DGKI: variants seen among roughly 807,000 people sequenced by gnomAD.
DGKI encodes the protein DAG kinase iota.
Under a neutral mutation model 147.5 loss-of-function variants are expected in DGKI, and 55 were observed. That is an observed-to-expected ratio of 0.37 (90% CI 0.30 to 0.47). The LOEUF is 0.47. Among genes scored for constraint, DGKI ranks in the 20% least tolerant of loss-of-function variants. The pLI is 1.00. For missense variants in DGKI, 1,007 were observed against 1,323.8 expected (o/e 0.76, Z 3.71); for synonymous variants, 469 against 477.1 (o/e 0.98, Z 0.22).
chr7:137,638,453 C>CAT (rs1172505922), intron 6 of DGKI, among the ~76,000 whole-genome samples: 1 of 81,704 alleles, frequency 1.2e-5, no homozygotes, highest in Non-Finnish European at 2.4e-5. Context: ...TACACACACA[C>CAT]ATATATATGT....
At chr7:137,752,878 A>G (rs1047543127) in intron 1 of DGKI, among the ~76,000 whole-genome samples, 16 of 152,000 alleles carry the variant, frequency 1.1e-4, no homozygotes, top group African/African-American at 3.9e-4. Flanking sequence ...TTGTCCTGCT[A>G]CACCTCCACT....
intron 3 of DGKI, among the ~76,000 whole-genome samples, chr7:137,666,311 TAGGA>T (rs1822638273): frequency 6.6e-6 from 1 of 152,152 alleles, no homozygotes; most frequent in Non-Finnish European, 1.5e-5. Context: ...GCTGAGGCAG[TAGGA>T]TCACTTAAGC....
At chr7:137,440,282 A>C (rs1209730416) in intron 28 of DGKI, among the ~76,000 whole-genome samples, 1 of 152,232 alleles carries the variant, frequency 6.6e-6, no homozygotes, top group Non-Finnish European at 1.5e-5. Context: ...TTAGCATGGC[A>C]GGTTTCCCTG....
chr7:137,450,585 G>A (rs1205445883), intron 27 of DGKI, among the ~76,000 whole-genome samples: 2 of 152,028 alleles, frequency 1.3e-5, no homozygotes, highest in Admixed American at 1.3e-4. Flanking sequence ...AGCCAAGCGT[G>A]GTGGCACGCG....
intron 21 of DGKI, among the ~76,000 whole-genome samples, chr7:137,520,077 T>C (rs571728721): frequency 2.0e-5 from 3 of 152,148 alleles, no homozygotes; most frequent in African/African-American, 7.2e-5. Flanking sequence ...TGTCATCTTG[T>C]TGGAAAACCT....
chr7:137,738,533 C>T (rs1165387106), intron 1 of DGKI, among the ~76,000 whole-genome samples: 1 of 151,988 alleles, frequency 6.6e-6, no homozygotes, highest in Non-Finnish European at 1.5e-5. Flanking sequence ...GTAGGATGTG[C>T]TAAAAACAAA....
At chr7:137,729,894 A>T (rs79776653) in intron 1 of DGKI, among the ~76,000 whole-genome samples, 4,063 of 152,150 alleles carry the variant, frequency 0.027, 182 homozygotes, top group African/African-American at 0.092. Flanking sequence ...GGAAAAGAGG[A>T]TTCATCTTGC....
At chr7:137,518,541 A>G (rs906370404) in intron 21 of DGKI, among the ~76,000 whole-genome samples, 1 of 152,128 alleles carries the variant, frequency 6.6e-6, no homozygotes, top group Non-Finnish European at 1.5e-5. Context: ...CAAACACTGT[A>G]TTTGATATAC....
chr7:137,656,266 T>C (rs1025039659), intron 4 of DGKI, among the ~76,000 whole-genome samples, 200 bp downstream of exon 4: 6 of 152,164 alleles, frequency 3.9e-5, no homozygotes, highest in African/African-American at 1.4e-4. Flanking sequence ...TAAAATGATA[T>C]CAAATTACAC....
Position 137,442,529 on chromosome 7 carries a change from A to AT in DGKI, c.2761+1547dup, listed in dbSNP as rs904208756. Among the ~76,000 whole-genome samples, 27 of 152,362 alleles carry AT rather than the reference A, an allele frequency of 1.8e-4. No homozygotes were observed. In the East Asian group the frequency reaches 3.1e-3, roughly 17 times the overall value. ...CAAGCTTCTAGTTTATAATGTGAAC[A>AT]TGGAAGCCCAAGGGCCTATATAAAT... On this transcript the variant is annotated intron_variant, in intron 28 of 32. Transcript: ENST00000614521.
chr7:137,692,423 AAC>A (rs950100028), intron 1 of DGKI, among the ~76,000 whole-genome samples: 1 of 152,232 alleles, frequency 6.6e-6, no homozygotes, highest in African/African-American at 2.4e-5. Flanking sequence ...TAATGAGAAA[AAC>A]ACAGATCTTT....
chr7:137,710,720 G>A (rs1383691957), intron 1 of DGKI, among the ~76,000 whole-genome samples: 1 of 151,920 alleles, frequency 6.6e-6, no homozygotes, highest in Non-Finnish European at 1.5e-5. Context: ...GTGAACAGAA[G>A]TATTTAATAA....
chr7:137,702,884 T>C (rs561540065), intron 1 of DGKI, among the ~76,000 whole-genome samples: 31 of 152,292 alleles, frequency 2.0e-4, no homozygotes, highest in Non-Finnish European at 2.9e-4. Flanking sequence ...TTTAACACCA[T>C]AGTGGCCTAA....
At chr7:137,533,759 C>T (rs1405525467) in intron 20 of DGKI, among the ~76,000 whole-genome samples, 1 of 151,966 alleles carries the variant, frequency 6.6e-6, no homozygotes, top group Non-Finnish European at 1.5e-5. Context: ...TTGGCCTTTT[C>T]CTTCCATTTG....
intron 30 of DGKI, among the ~76,000 whole-genome samples, chr7:137,402,858 G>C (rs564654489): frequency 1.1e-4 from 17 of 151,636 alleles, no homozygotes; most frequent in Non-Finnish European, 1.6e-4. Context: ...GAAAAAGGGG[G>C]GTTAAAAAAA....
intron 1 of DGKI, among the ~76,000 whole-genome samples, chr7:137,778,052 G>A (rs1248038748): frequency 6.6e-6 from 1 of 152,168 alleles, no homozygotes; most frequent in Non-Finnish European, 1.5e-5. Flanking sequence ...AGTGTAATAA[G>A]TGATTAAACA....
chr7:137,760,609 A>G (rs971554361), intron 1 of DGKI, among the ~76,000 whole-genome samples: 2 of 152,168 alleles, frequency 1.3e-5, no homozygotes, highest in Non-Finnish European at 2.9e-5. Context: ...GTGATTGAAA[A>G]TGAAGGTTCT....
rs561927598 is a variant in DGKI, at chr7:137,651,705, G to A, written c.738+3027C>T. Among the ~76,000 whole-genome samples the A allele has an allele frequency of 3.4e-4, 52 of 152,230 alleles. No homozygotes were observed. In the South Asian group the frequency reaches 6.2e-3, roughly 18 times the overall value. On this transcript the variant is annotated intron_variant, in intron 5 of 32. Transcript: ENST00000614521. ...GAGAACATAGAAAAGAACTAAGCTC[G>A]GAGGGATTTGCAGAGGTTGGGGGAG...
chr7:137,491,983 C>T (rs139514918), intron 21 of DGKI, among the ~76,000 whole-genome samples: 1 of 152,326 alleles, frequency 6.6e-6, no homozygotes, highest in African/African-American at 2.4e-5. Flanking sequence ...TTCCTTAGCA[C>T]TTTAGACAAA....
Sources: gnomAD v4.1 joint callset for allele counts (sites outside exome capture counted in the v4.1 genomes callset) on GRCh38, gnomAD v4.1.1 for gene constraint, MANE v1.5 for transcripts, NCBI Gene and HGNC (gene_info 2026-07-23, HGNC 2026-07-21) for gene names.